PPP1R12A: variants seen among roughly 807,000 people sequenced by gnomAD.
PPP1R12A encodes myosin binding subunit.
In PPP1R12A, 19 loss-of-function variants were observed where a neutral mutation model predicts 139.6. That is an observed-to-expected ratio of 0.14 (90% confidence interval 0.09 to 0.20). The LOEUF (loss-of-function observed/expected upper bound fraction) is 0.20. PPP1R12A is among the 10% of genes least tolerant of loss of function. PPP1R12A has a pLI of 1.00. For synonymous variants in PPP1R12A, 427 were observed against 420.6 expected (o/e 1.02, Z -0.19); for missense variants, 925 against 1,211.5 (o/e 0.76, Z 3.51).
intron 14 of PPP1R12A, among the ~76,000 whole-genome samples, chr12:79,801,808 T>G (rs1040573019): frequency 6.6e-6 from 1 of 152,202 alleles, no homozygotes; most frequent in Non-Finnish European, 1.5e-5. Context: ...TGCTTAAAAT[T>G]AGTTCAGAAA....
At chr12:79,832,219 A>G in intron 4 of PPP1R12A, 113 bp downstream of exon 4, 1 of 1,006,032 alleles carries the variant, frequency 9.9e-7, no homozygotes, top group Non-Finnish European at 1.4e-6. Context: ...AACAGGCATT[A>G]AAGAACTCTT....
At chr12:79,884,680 C>G (rs1395049145) in intron 1 of PPP1R12A, among the ~76,000 whole-genome samples, 1 of 152,098 alleles carries the variant, frequency 6.6e-6, no homozygotes, top group Non-Finnish European at 1.5e-5. Context: ...CAGAACGGCT[C>G]AAATACACTT....
intron 1 of PPP1R12A, among the ~76,000 whole-genome samples, chr12:79,905,618 A>G (rs972942006): frequency 6.6e-6 from 1 of 152,138 alleles, no homozygotes; most frequent in Non-Finnish European, 1.5e-5. Context: ...AATTTGAGTC[A>G]TTTATTTGGT....
At chr12:79,805,869 T>G (rs568744704) in intron 13 of PPP1R12A, 101 bp from the exon 14 acceptor site, 233 of 1,284,188 alleles carry the variant, frequency 1.8e-4, no homozygotes, top group Non-Finnish European at 2.3e-4. Flanking sequence ...CAGGGATGGA[T>G]TTTTTTAAAA....
At chr12:79,860,300 C>T (rs960495616) in intron 2 of PPP1R12A, among the ~76,000 whole-genome samples, 3 of 152,020 alleles carry the variant, frequency 2.0e-5, no homozygotes, top group Non-Finnish European at 2.9e-5. Flanking sequence ...CTATAACTTG[C>T]AATAATACAA....
At chr12:79,885,767 G>C (rs1884045259) in intron 1 of PPP1R12A, among the ~76,000 whole-genome samples, 1 of 152,162 alleles carries the variant, frequency 6.6e-6, no homozygotes, top group African/African-American at 2.4e-5. Context: ...ATTAGGAACA[G>C]CTAATTATTG....
intron 1 of PPP1R12A, among the ~76,000 whole-genome samples, chr12:79,913,641 T>C (rs988026346): frequency 4.6e-5 from 7 of 152,192 alleles, no homozygotes; most frequent in African/African-American, 1.4e-4. Flanking sequence ...TTCCTAAAGA[T>C]TGACTTGGCT....
chr12:79,826,403 A>G (rs1036449911), intron 5 of PPP1R12A, among the ~76,000 whole-genome samples: 2 of 148,228 alleles, frequency 1.3e-5, no homozygotes. Flanking sequence ...CAGTGCCACA[A>G]CCATGACTCA....
At chr12:79,778,177 C>G (rs898690555) in intron 24 of PPP1R12A, among the ~76,000 whole-genome samples, 5 of 151,858 alleles carry the variant, frequency 3.3e-5, no homozygotes, top group African/African-American at 4.9e-5. Context: ...CCACTACTTA[C>G]TCGCCAAAAA....
chr12:79,876,569 C>T (rs1430692393), intron 1 of PPP1R12A, among the ~76,000 whole-genome samples: 1 of 152,162 alleles, frequency 6.6e-6, no homozygotes. Flanking sequence ...ACAGATGTTC[C>T]TAGTTTATCA....
At chr12:79,922,978 A>G (rs10746147) in intron 1 of PPP1R12A, among the ~76,000 whole-genome samples, 123,024 of 152,000 alleles carry the variant, frequency 0.81, 51,421 homozygotes, top group Non-Finnish European at 0.92. Context: ...AGCGAGTAAA[A>G]ATGTACATGG....
Position 79,817,542 on chromosome 12 carries a change from G to A in PPP1R12A, c.1115-24C>T, listed in dbSNP as rs897868173. 18 of 1,551,778 alleles carry A rather than the reference G, an allele frequency of 1.2e-5. No individual in the cohort carries two copies. The African/African-American group carries it at 2.5e-4, about 21-fold the overall frequency. On this transcript the variant is annotated intron_variant, in intron 8 of 24. Coordinates refer to ENST00000450142, the MANE Select transcript of PPP1R12A (RefSeq NM_002480.3). The stretch of plus-strand genomic sequence containing the variant: ...ATCTATTAAAGACAAACAATTAAGA[G>A]TCAAGATTCCATATATATTTGGTCT...
At chr12:79,847,467 A>AT (rs1246413109) in intron 2 of PPP1R12A, among the ~76,000 whole-genome samples, 7 of 152,184 alleles carry the variant, frequency 4.6e-5, no homozygotes, top group Non-Finnish European at 8.8e-5. Flanking sequence ...ATATTTAGAT[A>AT]TATTTACTGG....
chr12:79,832,133 GTAA>G (rs1193136218), intron 4 of PPP1R12A, among the ~76,000 whole-genome samples, 196 bp downstream of exon 4: 1 of 152,124 alleles, frequency 6.6e-6, no homozygotes, highest in Non-Finnish European at 1.5e-5. Context: ...TTAAAAAATA[GTAA>G]TAATTAGAGA....
chr12:79,893,854 A>C (rs1358769922), intron 1 of PPP1R12A, among the ~76,000 whole-genome samples: 1 of 152,196 alleles, frequency 6.6e-6, no homozygotes, highest in East Asian at 1.9e-4. Flanking sequence ...TTCAAGGCAA[A>C]AAGATAACTG....
chr12:79,897,572 A>C (rs1885246746), intron 1 of PPP1R12A, among the ~76,000 whole-genome samples: 1 of 152,210 alleles, frequency 6.6e-6, no homozygotes, highest in Admixed American at 6.5e-5. Context: ...AAAGCAAAAC[A>C]AAACAAAAGA....
intron 1 of PPP1R12A, among the ~76,000 whole-genome samples, chr12:79,904,577 A>C (rs1027848306): frequency 1.1e-4 from 17 of 152,168 alleles, no homozygotes; most frequent in African/African-American, 2.9e-4. Context: ...GAAGAGGAAA[A>C]GACTCTTATA....
rs3213966 is a variant in PPP1R12A at position 79,778,881 on chromosome 12, G to C, written c.2956-281C>G. ...ACTTTTTGAGTTCATGTAAAACTTA[G>C]AGTGAATCAATACTCAAGACTGAAG... On this transcript the variant is annotated intron_variant, in intron 23 of 24. Transcript: ENST00000450142. The C allele has an allele frequency of 2.8e-3, 702 of 250,874 alleles. 15 individuals are homozygous for C. The East Asian group carries it at 0.045, about 16-fold the overall frequency. The allele number at this position is 250,874 out of a possible 1,614,324, so 15.5% of individuals were successfully genotyped here.
intron 20 of PPP1R12A, among the ~76,000 whole-genome samples, 199 bp downstream of exon 20, chr12:79,790,268 A>G (rs1243909491): frequency 2.0e-5 from 3 of 152,166 alleles, no homozygotes; most frequent in Admixed American, 2.0e-4. Context: ...TTGGGGAAAA[A>G]TCTTACTTGC....
Sources: allele counts gnomAD v4.1 joint callset (sites outside exome capture counted in the v4.1 genomes callset), GRCh38; gene constraint gnomAD v4.1.1; transcripts MANE v1.5; gene names NCBI Gene and HGNC (gene_info 2026-07-23, HGNC 2026-07-21).